Variants in RAI1 observed in about 807,000 individuals in gnomAD.
The protein encoded by RAI1 is retinoic acid induced 1, also known as retinoic acid-induced protein 1.
RAI1 carries 9 observed loss-of-function variants against 123.8 expected under a neutral mutation model. The observed-to-expected ratio is 0.07, with a 90% confidence interval of 0.04 to 0.13. The LOEUF is 0.13. RAI1 is among the 10% of genes least tolerant of loss of function. RAI1 has a pLI of 1.00. For missense variants in RAI1, 2,256 were observed against 2,545.8 expected, an observed-to-expected ratio of 0.89 and a Z score of 2.45; for synonymous variants, 1,231 against 1,127.3, an observed-to-expected ratio of 1.09 and a Z score of -1.84.
chr17:17,690,324 T>C (rs1201037128), intron 1 of RAI1, among the ~76,000 whole-genome samples: 1 of 147,284 alleles, frequency 6.8e-6, no homozygotes, highest in African/African-American at 2.5e-5. Flanking sequence ...GAGGCAGAGG[T>C]GGCAGTGAGC....
intron 2 of RAI1, among the ~76,000 whole-genome samples, chr17:17,750,689 CAAAAAAA>C (rs57637022): frequency 5.9e-4 from 47 of 79,754 alleles, no homozygotes; most frequent in African/African-American, 1.8e-3. Flanking sequence ...TACTCCGTCT[CAAAAAAA>C]AAAAAAAAAA....
At chr17:17,689,549 A>G (rs1247023453) in intron 1 of RAI1, among the ~76,000 whole-genome samples, 1 of 152,228 alleles carries the variant, frequency 6.6e-6, no homozygotes, top group Non-Finnish European at 1.5e-5. Context: ...TCGTTCATTT[A>G]TAAATCACGT....
intron 2 of RAI1, among the ~76,000 whole-genome samples, chr17:17,732,503 G>C (rs1353983203): frequency 1.3e-5 from 2 of 152,136 alleles, no homozygotes; most frequent in East Asian, 3.9e-4. Flanking sequence ...CCTTCCTTGG[G>C]CATCTCCTCT....
At chr17:17,725,540 G>T in intron 2 of RAI1, among the ~76,000 whole-genome samples, 1 of 152,162 alleles carries the variant, frequency 6.6e-6, no homozygotes, top group Non-Finnish European at 1.5e-5. Flanking sequence ...AATCCAAGGG[G>T]GGACCACCGG....
At chr17:17,688,188 A>G (rs1371622131) in intron 1 of RAI1, among the ~76,000 whole-genome samples, 1 of 151,748 alleles carries the variant, frequency 6.6e-6, no homozygotes, top group Non-Finnish European at 1.5e-5. Flanking sequence ...CCTCCCCTTT[A>G]AAATGAGGAT....
In RAI1 at chr17:17,744,528, C is replaced by A. The variant is rs546179444; in HGVS notation, c.-17+20369C>A. On this transcript the variant is annotated intron_variant, in intron 2 of 5. Coordinates refer to ENST00000353383, the MANE Select transcript of RAI1 (RefSeq NM_030665.4). Reference sequence around the variant, plus strand: ...GGAAGGCCGGGCACGGTGGGTGGCTCACGCCTGTAATTCCAGCACTTTGGG... The same window carrying A: ...GGAAGGCCGGGCACGGTGGGTGGCTAACGCCTGTAATTCCAGCACTTTGGG... Among the ~76,000 whole-genome samples, 4 of 152,198 alleles carry A rather than the reference C, an allele frequency of 2.6e-5. No homozygotes were observed. The South Asian group carries it at 8.3e-4, about 32-fold the overall frequency.
In RAI1 at chr17:17,795,097, C is replaced by G. The variant is rs2032181248; in HGVS notation, c.2149C>G (p.Pro717Ala). The change falls in exon 3 of 6, where the codon CCT becomes GCT. Residue 717 changes from proline (P) to alanine (A), a missense_variant. Pro to Ala is a conservative substitution (Grantham distance 27, BLOSUM62 -1). This residue lies in a region of RAI1 where 566 missense variants were observed against 616.0 expected (regional missense o/e 0.92). Coordinates refer to ENST00000353383, the MANE Select transcript of RAI1 (RefSeq NM_030665.4). This position sits in a 1 kb window ranked among gnomAD's most constrained non-coding sequence, Gnocchi z 5.9. ...SFGTKPTLGV[P>A]APDPTTAAFD... ...TGGTACCAAGCCCACCCTTGGGGTT[C>G]CTGCTCCAGACCCCACTACAGCAGC... is the stretch of plus-strand genomic sequence containing the variant. 1 of 1,614,014 alleles carries G rather than the reference C, an allele frequency of 6.2e-7. No homozygotes were observed. Among genetic ancestry groups the G allele is most frequent in the African/African-American group, 1.3e-5 (1 of 74,928 alleles).
intron 1 of RAI1, among the ~76,000 whole-genome samples, chr17:17,699,802 C>T (rs1026890086): frequency 2.6e-5 from 4 of 152,192 alleles, no homozygotes; most frequent in African/African-American, 4.8e-5. Context: ...CAGCTGGTCA[C>T]GGTCCCATCC....
At chr17:17,770,050 C>T (rs1255002260) in intron 2 of RAI1, among the ~76,000 whole-genome samples, 1 of 151,986 alleles carries the variant, frequency 6.6e-6, no homozygotes, top group Non-Finnish European at 1.5e-5. Flanking sequence ...GGACCCTAGG[C>T]AGGGTCTCCC....
intron 2 of RAI1, chr17:17,778,832 C>T (rs779108552): frequency 7.4e-5 from 34 of 456,642 alleles, no homozygotes; most frequent in Non-Finnish European, 1.1e-4. Flanking sequence ...GGAAGAGGCT[C>T]TCTCCCCCAG....
intron 2 of RAI1, among the ~76,000 whole-genome samples, chr17:17,758,965 A>G (rs553603405): frequency 6.6e-6 from 1 of 152,290 alleles, no homozygotes; most frequent in South Asian, 2.1e-4. Flanking sequence ...CAGGACCTTG[A>G]ATGCAAGCAA....
chr17:17,744,139 T>G (rs1284432148), intron 2 of RAI1, among the ~76,000 whole-genome samples: 2 of 152,228 alleles, frequency 1.3e-5, no homozygotes, highest in Admixed American at 1.3e-4. Flanking sequence ...GATTTGGGAC[T>G]TGTCCACCTA....
intron 2 of RAI1, among the ~76,000 whole-genome samples, chr17:17,763,393 C>T (rs974736918): frequency 6.6e-6 from 1 of 152,216 alleles, no homozygotes; most frequent in African/African-American, 2.4e-5. Context: ...CCCTTCCTTG[C>T]TTGTTCCTAT....
chr17:17,734,747 G>A (rs766820085), intron 2 of RAI1, among the ~76,000 whole-genome samples: 19 of 152,200 alleles, frequency 1.2e-4, no homozygotes, highest in Non-Finnish European at 2.2e-4. Context: ...GTGTGTCTGC[G>A]TGTGAGCTCC....
chr17:17,730,800 T>C (rs147821777), intron 2 of RAI1, among the ~76,000 whole-genome samples: 3,488 of 152,298 alleles, frequency 0.023, 136 homozygotes, highest in African/African-American at 0.079. Flanking sequence ...GATGAGACTT[T>C]GTTGGCCCAG....
rs1351930831 is a variant in RAI1, at chr17:17,793,281, C to G, written c.333C>G (p.Arg111=). 7.4e-6 allele frequency: 12 copies of G among 1,612,422 alleles called. No individual in the cohort carries two copies. Among genetic ancestry groups the G allele is most frequent in the Non-Finnish European group, 1.0e-5 (12 of 1,179,718 alleles). ...AGGACAGCAGCCCCTACCCAGGCCG[C>G]TATGCTGGTGAGGAGAGCCTTCAGG... The part of the protein sequence containing the change: ...GVQDSSPYPG[R]YAGEESLQAW... Residue 111 remains arginine, a synonymous_variant, in exon 3 of 6, where the codon CGC becomes CGG. Coordinates refer to ENST00000353383, the MANE Select transcript of RAI1 (RefSeq NM_030665.4).
In RAI1 at chr17:17,756,454, C is replaced by T. The variant is rs553622958; in HGVS notation, c.-17+32295C>T. 3.5e-3 allele frequency among the ~76,000 whole-genome samples: 529 copies of T among 152,258 alleles called. 2 individuals are homozygous for T. Among genetic ancestry groups the T allele is most frequent in the African/African-American group, 0.01 (425 of 41,536 alleles). On this transcript the variant is annotated intron_variant, in intron 2 of 5. Coordinates refer to ENST00000353383, the MANE Select transcript of RAI1 (RefSeq NM_030665.4). The stretch of plus-strand genomic sequence containing the variant: ...TCAGGTGATCCACCTGCCTCTGCCT[C>T]CCAAAGTGCTGGGATTACAGGTGTG...
intron 2 of RAI1, among the ~76,000 whole-genome samples, chr17:17,780,486 G>A (rs968723831): frequency 3.3e-5 from 5 of 152,026 alleles, no homozygotes; most frequent in African/African-American, 7.3e-5. Flanking sequence ...AAAGCCCCAC[G>A]GGCATCTCCC....
chr17:17,806,984 A>C (rs974753217), intron 4 of RAI1, among the ~76,000 whole-genome samples: 42 of 152,238 alleles, frequency 2.8e-4, no homozygotes, highest in Admixed American at 1.7e-3. Context: ...AGCTGTGGAC[A>C]TACAAAGTGT....
Sources: allele counts gnomAD v4.1 joint callset (sites outside exome capture counted in the v4.1 genomes callset), GRCh38; gene constraint gnomAD v4.1.1; regional missense constraint gnomAD v4.1.1; non-coding constraint Gnocchi (gnomAD v3.1); transcripts MANE v1.5; gene names NCBI Gene and HGNC (gene_info 2026-07-23, HGNC 2026-07-21).